The following RHBDL2 variants were observed in gnomAD, a reference collection of about 807,000 sequenced individuals.
RHBDL2 encodes the protein rhomboid like 2, also known as rhomboid-related protein 2.
Under a neutral mutation model 31.7 loss-of-function variants are expected in RHBDL2, and 26 were observed. The observed-to-expected ratio is 0.82, with a 90% CI of 0.60 to 1.14. The LOEUF (loss-of-function observed/expected upper bound fraction) is 1.14, where lower values mean the gene tolerates loss of function less well. RHBDL2 is among the 50% of genes most tolerant of loss of function. The probability of loss-of-function intolerance (pLI) is 0.00; values close to 1 mark genes in which losing one functional copy is unlikely to be tolerated. For missense variants in RHBDL2, 336 were observed against 364.4 expected (o/e 0.92, Z 0.63); for synonymous variants, 123 against 127.2 (o/e 0.97, Z 0.22).
chr1:38,908,446 AG>A (rs1404593752), intron 4 of RHBDL2, among the ~76,000 whole-genome samples: 1 of 128,250 alleles, frequency 7.8e-6, no homozygotes, highest in African/African-American at 3.0e-5. Flanking sequence ...CAGGAGGTGG[AG>A]GTTGCTGTGA....
chr1:38,900,441 C>T (rs370507891), intron 4 of RHBDL2, among the ~76,000 whole-genome samples: 14 of 151,850 alleles, frequency 9.2e-5, no homozygotes, highest in South Asian at 2.1e-4. Context: ...GCCAACATGG[C>T]GAAACCCCAT....
At chr1:38,929,947 A>C (rs147799317) in intron 1 of RHBDL2, among the ~76,000 whole-genome samples, 115 of 152,332 alleles carry the variant, frequency 7.5e-4, no homozygotes, top group Non-Finnish European at 1.4e-3. Flanking sequence ...ATACACTTGG[A>C]ATAAATAGGC....
intron 3 of RHBDL2, among the ~76,000 whole-genome samples, chr1:38,912,370 G>T (rs2124327238): frequency 6.6e-6 from 1 of 150,850 alleles, no homozygotes; most frequent in South Asian, 2.1e-4. Context: ...CTCCCAAAGT[G>T]CTGGGATTAC....
chr1:38,897,103 CTTT>C (rs1214407153), intron 4 of RHBDL2, among the ~76,000 whole-genome samples: 2 of 142,004 alleles, frequency 1.4e-5, no homozygotes, highest in Admixed American at 7.1e-5. Flanking sequence ...TTTGAAGAAT[CTTT>C]TTTTTTTTTT....
At chr1:38,893,581 TC>T in intron 5 of RHBDL2, among the ~76,000 whole-genome samples, 1 of 152,338 alleles carries the variant, frequency 6.6e-6, no homozygotes, top group Admixed American at 6.5e-5. Flanking sequence ...TGGTTAATAT[TC>T]ATTTGATGTT....
chr1:38,919,302 G>T lies in RHBDL2; in HGVS notation c.-90C>A. ...TCCTCAGGCTGCCGCTCTTCCCTGG[G>T]CTGTCTGGCGCAACGACTGCTTTCC... On this transcript the variant is annotated 5_prime_UTR_variant, in exon 2 of 8. Transcript: ENST00000372990. The T allele has an allele frequency of 6.2e-7, 1 of 1,607,140 alleles. No homozygotes were observed. Among genetic ancestry groups the T allele is most frequent in the South Asian group, 1.1e-5 (1 of 90,352 alleles).
Position 38,926,110 on chromosome 1 carries a change from A to G in RHBDL2, c.-125-6773T>C, listed in dbSNP as rs971815785. 3.4e-6 allele frequency: 4 copies of G among 1,183,800 alleles called. No homozygotes were observed. The African/African-American group carries it at 4.8e-5, about 14-fold the overall frequency. The allele number at this position is 1,183,800 out of a possible 1,614,324, so 73.3% of individuals were successfully genotyped here. On this transcript the variant is annotated intron_variant, in intron 1 of 7. Coordinates refer to ENST00000372990, the MANE Select transcript of RHBDL2 (RefSeq NM_017821.5). The stretch of plus-strand genomic sequence containing the variant: ...CCACTACAGACATTAACCATGCCCA[A>G]TATTCACTTTTGCATGTCCCTAGGC...
In RHBDL2 at chr1:38,935,510, G is replaced by A. The variant is rs369259831; in HGVS notation, c.-126+6172C>T. 3.2e-4 allele frequency among the ~76,000 whole-genome samples: 49 copies of A among 152,194 alleles called. 1 individual carries two copies. The South Asian group carries it at 1.0e-2, about 31-fold the overall frequency. On this transcript the variant is annotated intron_variant, in intron 1 of 7. Coordinates refer to ENST00000372990, the MANE Select transcript of RHBDL2 (RefSeq NM_017821.5). ...GGAGCATCATCTGTAAAAGGAGGGT[G>A]GTAAATATCTACTTTATAGATTCGG...
intron 4 of RHBDL2, among the ~76,000 whole-genome samples, chr1:38,899,347 G>T (rs1642960566): frequency 6.6e-6 from 1 of 152,188 alleles, no homozygotes; most frequent in Non-Finnish European, 1.5e-5. Flanking sequence ...GGCAGACCTT[G>T]GTCCCCTGCC....
At chr1:38,920,038 C>T (rs1643290165) in intron 1 of RHBDL2, among the ~76,000 whole-genome samples, 1 of 152,160 alleles carries the variant, frequency 6.6e-6, no homozygotes, top group Middle Eastern at 3.2e-3. Context: ...CAGTCCCTGG[C>T]AACGACTAAT....
chr1:38,918,721 C>T (rs1395030884), intron 2 of RHBDL2, among the ~76,000 whole-genome samples: 2 of 152,128 alleles, frequency 1.3e-5, no homozygotes, highest in African/African-American at 2.4e-5. Flanking sequence ...AAATTGCAGC[C>T]ACAGCTGGGC....
At chr1:38,930,211 G>A (rs16825658) in intron 1 of RHBDL2, among the ~76,000 whole-genome samples, 8,581 of 152,212 alleles carry the variant, frequency 0.056, 880 homozygotes, top group East Asian at 0.45. Flanking sequence ...ATGTCTTCAA[G>A]TCCTTCCCAT....
At chr1:38,920,607 C>CTTTTTTTTTTTTTTTT (rs547790628) in intron 1 of RHBDL2, among the ~76,000 whole-genome samples, 3 of 129,062 alleles carry the variant, frequency 2.3e-5, no homozygotes, top group East Asian at 4.7e-4. Flanking sequence ...CAAGTTTTCT[C>CTTTTTTTTTTTTTTTT]TTTTTTTTTT....
At chr1:38,926,205 A>C (rs1643372767) in intron 1 of RHBDL2, 18 of 1,098,916 alleles carry the variant, frequency 1.6e-5, no homozygotes, top group Non-Finnish European at 2.0e-5. Flanking sequence ...GGATGGAAAA[A>C]ATTCTTTACA....
chr1:38,918,942 G>A (rs376921055), intron 2 of RHBDL2, 25 bp downstream of exon 2: 8 of 1,600,750 alleles, frequency 5.0e-6, no homozygotes, highest in African/African-American at 1.3e-5. Flanking sequence ...CACTTACCCC[G>A]GTGCCCACCC....
intron 1 of RHBDL2, among the ~76,000 whole-genome samples, chr1:38,923,065 G>C (rs1411614076): frequency 1.3e-5 from 2 of 151,864 alleles, no homozygotes; most frequent in Admixed American, 1.3e-4. Flanking sequence ...ACTCAACCCT[G>C]GGCGACAAGA....
chr1:38,935,509 T>C (rs1290807211), intron 1 of RHBDL2, among the ~76,000 whole-genome samples: 1 of 152,128 alleles, frequency 6.6e-6, no homozygotes, highest in Non-Finnish European at 1.5e-5. Flanking sequence ...AAAAGGAGGG[T>C]GGTAAATATC....
intron 1 of RHBDL2, among the ~76,000 whole-genome samples, chr1:38,939,897 A>T (rs1468855922): frequency 6.6e-6 from 1 of 151,568 alleles, no homozygotes; most frequent in Non-Finnish European, 1.5e-5. Context: ...GCTGGCTTTG[A>T]ACTCCTGGCT....
intron 1 of RHBDL2, among the ~76,000 whole-genome samples, chr1:38,921,228 A>T (rs1395040997): frequency 6.6e-6 from 1 of 152,178 alleles, no homozygotes; most frequent in East Asian, 1.9e-4. Flanking sequence ...CTAAAAATAC[A>T]AAAATTAGCT....
Sources: gnomAD v4.1 joint callset for allele counts (sites outside exome capture counted in the v4.1 genomes callset) on GRCh38, gnomAD v4.1.1 for gene constraint, MANE v1.5 for transcripts, NCBI Gene and HGNC (gene_info 2026-07-23, HGNC 2026-07-21) for gene names.